Variants in PLEKHA4 observed in about 807,000 individuals in gnomAD.
The protein encoded by PLEKHA4 is pleckstrin homology domain containing A4, also known as pleckstrin homology domain-containing family A member 4.
In PLEKHA4, 73 loss-of-function variants were observed where a neutral mutation model predicts 94.7. The observed-to-expected ratio is 0.77, with a 90% CI of 0.64 to 0.94. The LOEUF is 0.94. Ranked by LOEUF, PLEKHA4 falls within the 40% of genes least tolerant of loss-of-function variation. PLEKHA4 has a pLI of 0.00. For missense variants in PLEKHA4, 1,049 were observed against 1,054.1 expected, an observed-to-expected ratio of 1.00 and a Z score of 0.07; for synonymous variants, 449 against 437.1, an observed-to-expected ratio of 1.03 and a Z score of -0.34.
In PLEKHA4 at chr19:48,848,032, C is replaced by A; in HGVS notation, c.1434G>T (p.Val478=). ...CCATCCACAGCTGCTGCTGAGCAGA[C>A]ACTCTGTCCTGCAGGGAGGAAAGGA... is the stretch of plus-strand genomic sequence containing the variant. The part of the protein sequence containing the change: ...LLHLGSPQDR[V]SAQQQLWMVE... Residue 478 remains valine, a synonymous_variant, in exon 14 of 20, where the codon GTG becomes GTT. Coordinates refer to ENST00000263265, the MANE Select transcript of PLEKHA4 (RefSeq NM_020904.3). The A allele has an allele frequency of 6.2e-7, 1 of 1,613,668 alleles. No homozygotes were observed. Among genetic ancestry groups the A allele is most frequent in the Non-Finnish European group, 8.5e-7 (1 of 1,179,978 alleles).
chr19:48,864,605 G>A (rs1263183723), intron 3 of PLEKHA4, among the ~76,000 whole-genome samples: 1 of 152,078 alleles, frequency 6.6e-6, no homozygotes, highest in Admixed American at 6.5e-5. Flanking sequence ...CTGTCACCCA[G>A]GCTGGTGTGC....
intron 16 of PLEKHA4, among the ~76,000 whole-genome samples, chr19:48,843,616 G>A (rs2035849512): frequency 6.6e-6 from 1 of 151,882 alleles, no homozygotes; most frequent in African/African-American, 2.4e-5. Context: ...AAGCAGCTGG[G>A]ACCACAGGTG....
chr19:48,857,258 G>C (rs567877525), intron 9 of PLEKHA4, among the ~76,000 whole-genome samples, 164 bp downstream of exon 9: 1 of 152,072 alleles, frequency 6.6e-6, no homozygotes, highest in Non-Finnish European at 1.5e-5. Flanking sequence ...TGTTGTTTTC[G>C]GCCATGCGCT....
intron 12 of PLEKHA4, among the ~76,000 whole-genome samples, chr19:48,853,315 G>A (rs960495423): frequency 6.6e-6 from 1 of 152,142 alleles, no homozygotes; most frequent in Non-Finnish European, 1.5e-5. Context: ...CTGATCACCT[G>A]AGGTTAGGAG....
rs183823221 is a variant in PLEKHA4, at chr19:48,850,084, G to A, written c.1426-2044C>T. Among the ~76,000 whole-genome samples, 454 of 148,994 alleles carry A rather than the reference G, an allele frequency of 3.0e-3. 2 individuals are homozygous for A. Among genetic ancestry groups the A allele is most frequent in the African/African-American group, 0.011 (433 of 40,302 alleles). ...AAATTAGCCAGGCGTGGTGGCACACGCCTGTAGTCCCAGCTAGAGGCTGAG... is the reference window on the plus strand; with the variant it reads ...AAATTAGCCAGGCGTGGTGGCACACACCTGTAGTCCCAGCTAGAGGCTGAG... On this transcript the variant is annotated intron_variant, in intron 13 of 19. Transcript: ENST00000263265.
rs2035566022 is a variant in PLEKHA4, at chr19:48,837,334, C to G, written c.2295G>C (p.Glu765Asp). 1.2e-6 allele frequency: 2 copies of G among 1,613,832 alleles called. No homozygotes were observed. Among genetic ancestry groups the G allele is most frequent in the South Asian group, 2.2e-5 (2 of 91,092 alleles). The change falls in exon 20 of 20, where the codon GAG becomes GAC. Residue 765 changes from glutamate to aspartate, a missense_variant. Physicochemically the swap from Glu to Asp is conservative, Grantham distance 45 (BLOSUM62 2). Coordinates refer to ENST00000263265, the MANE Select transcript of PLEKHA4 (RefSeq NM_020904.3). The surrounding 1 kb of genome is among the most constrained non-coding windows in gnomAD (Gnocchi z 4.3). ...GAGTGACTCGCAGAGGCCATGCCCC[C>G]TCGTCTTGTGGCAGGACCGGAGGGG... ...GIAPPVLPQD[E>D]GAWPLRVTLL...
intron 3 of PLEKHA4, among the ~76,000 whole-genome samples, chr19:48,863,134 C>G (rs1428098865): frequency 6.6e-6 from 1 of 152,218 alleles, no homozygotes; most frequent in African/African-American, 2.4e-5. Context: ...CCCATAGAAG[C>G]CCACATGATC....
At chr19:48,858,124 C>A (rs1392846018) in intron 8 of PLEKHA4, among the ~76,000 whole-genome samples, 3 of 152,050 alleles carry the variant, frequency 2.0e-5, no homozygotes, top group Non-Finnish European at 4.4e-5. Flanking sequence ...GGCAAAACAG[C>A]CCCACAAGAT....
chr19:48,847,843 A>AG (rs1420976700), intron 14 of PLEKHA4, 57 bp downstream of exon 14: 1 of 1,499,992 alleles, frequency 6.7e-7, no homozygotes, highest in Non-Finnish European at 8.9e-7. Context: ...GAATAGACTG[A>AG]GTCAAGGACA....
chr19:48,853,918 T>A, intron 11 of PLEKHA4, 87 bp from the exon 12 acceptor site: 2 of 1,596,214 alleles, frequency 1.3e-6, no homozygotes, highest in East Asian at 4.5e-5. Context: ...GTCCTGGACG[T>A]CCAGTCAGCA....
intron 4 of PLEKHA4, 58 bp downstream of exon 4, chr19:48,861,562 G>C (rs933619542): frequency 1.2e-6 from 2 of 1,612,332 alleles, no homozygotes; most frequent in African/African-American, 2.7e-5. Flanking sequence ...ATGCTAGAGA[G>C]AAGGGCAGAC....
At chr19:48,851,080 G>A (rs1261597340) in intron 13 of PLEKHA4, among the ~76,000 whole-genome samples, 1 of 152,152 alleles carries the variant, frequency 6.6e-6, no homozygotes, top group Non-Finnish European at 1.5e-5. Flanking sequence ...GGCGGAGGTT[G>A]CAGTGAGCCA....
intron 17 of PLEKHA4, among the ~76,000 whole-genome samples, chr19:48,840,424 C>CTTT (rs113285383): frequency 3.1e-5 from 4 of 130,868 alleles, no homozygotes; most frequent in Admixed American, 7.9e-5. Flanking sequence ...AAGAAAACAT[C>CTTT]TTTTTTTTTT....
At chr19:48,853,852 G>T in intron 11 of PLEKHA4, 21 bp from the exon 12 acceptor site, 1 of 1,595,122 alleles carries the variant, frequency 6.3e-7, no homozygotes. Context: ...ACAGAAGGTG[G>T]TTAGACTTCA....
At chr19:48,838,562 G>A (rs926900886) in intron 18 of PLEKHA4, among the ~76,000 whole-genome samples, 6 of 150,790 alleles carry the variant, frequency 4.0e-5, no homozygotes, top group African/African-American at 7.3e-5. Context: ...TCAGGAGTTC[G>A]AGACCACCCT....
chr19:48,837,242 T>C lies in PLEKHA4; in HGVS notation c.*47A>G, dbSNP rs370681975. On this transcript the variant is annotated 3_prime_UTR_variant, in exon 20 of 20. Coordinates refer to ENST00000263265, the MANE Select transcript of PLEKHA4 (RefSeq NM_020904.3). The surrounding 1 kb of genome is among the most constrained non-coding windows in gnomAD (Gnocchi z 4.3). ...GTGGTCCCAGATCTCCGGCGGTACC[T>C]CCAGACCACGTCCTCGCGCTCCGAT... 1.9e-6 allele frequency: 3 copies of C among 1,613,500 alleles called. No individual in the cohort carries two copies. The highest frequency in any genetic ancestry group is 1.3e-5 in the African/African-American group (1 of 74,894).
chr19:48,851,555 G>A (rs539543402), intron 13 of PLEKHA4, among the ~76,000 whole-genome samples: 2 of 152,246 alleles, frequency 1.3e-5, no homozygotes, highest in South Asian at 4.1e-4. Context: ...GGCAGAGGTT[G>A]TGGTGAGCTG....
intron 9 of PLEKHA4, among the ~76,000 whole-genome samples, chr19:48,856,898 C>CAAAAAAAAAAAAAAAAAAAAAA (rs1315657736): frequency 2.8e-5 from 1 of 35,642 alleles, no homozygotes; most frequent in Non-Finnish European, 4.8e-5. Flanking sequence ...GACCCCGTCT[C>CAAAAAAAAAAAAAAAAAAAAAA]AAAAAAAAAA....
chr19:48,851,541 G>A (rs953866478), intron 13 of PLEKHA4, among the ~76,000 whole-genome samples: 6 of 152,082 alleles, frequency 3.9e-5, no homozygotes, highest in African/African-American at 1.2e-4. Context: ...GCTTGAGCCC[G>A]GGAGGCAGAG....
Sources: allele counts gnomAD v4.1 joint callset (sites outside exome capture counted in the v4.1 genomes callset), GRCh38; gene constraint gnomAD v4.1.1; non-coding constraint Gnocchi (gnomAD v3.1); transcripts MANE v1.5; gene names NCBI Gene and HGNC (gene_info 2026-07-23, HGNC 2026-07-21).